Variants in PCDHGA2 observed in about 807,000 individuals in gnomAD.
PCDHGA2 encodes the protein protocadherin gamma-A2.
A neutral mutation model predicts 59.2 loss-of-function variants in PCDHGA2; 40 were observed. The ratio of observed to expected loss-of-function variants is 0.68; its 90% CI spans 0.52 to 0.88. PCDHGA2 has a LOEUF of 0.88. Ranked by LOEUF, PCDHGA2 falls within the 40% of genes least tolerant of loss-of-function variation. PCDHGA2 has a pLI of 0.00. For missense variants in PCDHGA2, 1,226 were observed against 1,204.0 expected, an observed-to-expected ratio of 1.02 and a Z score of -0.27; for synonymous variants, 560 against 526.0, an observed-to-expected ratio of 1.06 and a Z score of -0.89.
intron 1 of PCDHGA2, chr5:141,419,030 C>G (rs1178461733): frequency 5.0e-6 from 8 of 1,613,768 alleles, no homozygotes; most frequent in Non-Finnish European, 6.8e-6. Context: ...TAGAGGTGTT[C>G]CATTTAAGAT....
intron 1 of PCDHGA2, chr5:141,404,061 A>G (rs375910829): frequency 9.9e-6 from 16 of 1,613,906 alleles, no homozygotes; most frequent in African/African-American, 4.0e-5. Flanking sequence ...CTTCTTTTCA[A>G]TGCTCATGAC....
chr5:141,443,443 G>A (rs2098388456), intron 1 of PCDHGA2, among the ~76,000 whole-genome samples: 1 of 152,124 alleles, frequency 6.6e-6, no homozygotes, highest in African/African-American at 2.4e-5. Flanking sequence ...CTGTGGTTGC[G>A]CTCCTGTACT....
intron 1 of PCDHGA2, chr5:141,356,928 G>C (rs1760394420): frequency 1.2e-6 from 2 of 1,614,088 alleles, no homozygotes; most frequent in East Asian, 4.5e-5. Flanking sequence ...CTGGTGTGGA[G>C]CTGGCACCCC....
intron 1 of PCDHGA2, chr5:141,423,661 G>A: frequency 1.3e-6 from 2 of 1,555,760 alleles, no homozygotes; most frequent in Non-Finnish European, 1.7e-6. Flanking sequence ...AAGTAATCAG[G>A]TGAGATTTAT....
chr5:141,423,755 G>GGGA, intron 1 of PCDHGA2: 3 of 512,508 alleles, frequency 5.9e-6, no homozygotes, highest in Non-Finnish European at 7.8e-6. Flanking sequence ...CTGTTTGGGG[G>GGGA]GGGGGTGGGG....
At chr5:141,390,385 C>A in intron 1 of PCDHGA2, 1 of 1,430,582 alleles carries the variant, frequency 7.0e-7, no homozygotes, top group Non-Finnish European at 9.5e-7. Context: ...TTTTAGATGT[C>A]ATGGATCATT....
In PCDHGA2 at chr5:141,487,160, G is replaced by A. The variant is rs1188929436; in HGVS notation, c.2425-7647G>A. 5.0e-6 allele frequency: 8 copies of A among 1,613,830 alleles called. No homozygotes were observed. The highest frequency in any genetic ancestry group is 5.1e-6 in the Non-Finnish European group (6 of 1,179,840). ...ACTCTCTACCTCTGTTACTCTCTTA[G>A]TGTCCTTAGAGGAAGACACTCATCC... On this transcript the variant is annotated intron_variant, in intron 1 of 3. Transcript: ENST00000394576. The surrounding 1 kb of genome is among the most constrained non-coding windows in gnomAD (Gnocchi z 5.0).
chr5:141,444,364 T>C (rs1191889941), intron 1 of PCDHGA2, among the ~76,000 whole-genome samples: 2 of 151,718 alleles, frequency 1.3e-5, no homozygotes, highest in Admixed American at 1.3e-4. Context: ...AGAGACGGGG[T>C]TTCTCCATGT....
intron 1 of PCDHGA2, chr5:141,421,662 G>C: frequency 5.6e-6 from 9 of 1,613,844 alleles, no homozygotes; most frequent in Non-Finnish European, 7.6e-6. Context: ...AAGTCAGTGA[G>C]CACGCAATTC....
At chr5:141,436,829 G>C (rs1194891483) in intron 1 of PCDHGA2, among the ~76,000 whole-genome samples, 3 of 152,214 alleles carry the variant, frequency 2.0e-5, no homozygotes, top group African/African-American at 7.2e-5. Flanking sequence ...AAAATCTTAA[G>C]TGCCTAGGCA....
At chr5:141,380,806 A>G (rs1175015074) in intron 1 of PCDHGA2, among the ~76,000 whole-genome samples, 1 of 152,258 alleles carries the variant, frequency 6.6e-6, no homozygotes, top group Non-Finnish European at 1.5e-5. Context: ...AACAAATGTG[A>G]GATGAAACTA....
rs564486909 is a variant in PCDHGA2, at chr5:141,428,072, G to A, written c.2425-66735G>A. The A allele has an allele frequency of 1.6e-5, 25 of 1,609,080 alleles. No individual in the cohort carries two copies. The South Asian group carries it at 1.9e-4, about 12-fold the overall frequency. On this transcript the variant is annotated intron_variant, in intron 1 of 3. Coordinates refer to ENST00000394576, the MANE Select transcript of PCDHGA2 (RefSeq NM_018915.4). The stretch of plus-strand genomic sequence containing the variant: ...AGGTGGTGGCGGTGGACGCAGATTC[G>A]GGACACAACGCTTGGCTGTCCTACC...
intron 1 of PCDHGA2, chr5:141,392,138 G>C (rs1212519982): frequency 6.6e-6 from 1 of 152,142 alleles, no homozygotes; most frequent in Non-Finnish European, 1.5e-5. Context: ...TGATTAAGTA[G>C]TTTAAACCAA....
At chr5:141,364,846 C>G (rs558676002) in intron 1 of PCDHGA2, 1 of 1,613,994 alleles carries the variant, frequency 6.2e-7, no homozygotes, top group South Asian at 1.1e-5. Context: ...GTTACCAGCT[C>G]AGCTCCAATC....
intron 1 of PCDHGA2, among the ~76,000 whole-genome samples, chr5:141,449,264 C>T (rs2098633342): frequency 6.6e-6 from 1 of 152,056 alleles, no homozygotes; most frequent in African/African-American, 2.4e-5. Flanking sequence ...GTACAAAGAA[C>T]TGTATCTCCT....
rs1023816949 is a variant in PCDHGA2, at chr5:141,362,715, T to C, written c.2424+21320T>C. On this transcript the variant is annotated intron_variant, in intron 1 of 3. Transcript: ENST00000394576. ...CTAACTGAATTTTAAGTGTTTTCTC[T>C]CTGAAGTGTGAGATTTATTTACCCA... The C allele has an allele frequency of 8.8e-5, 80 of 911,620 alleles. No individual in the cohort carries two copies. In the East Asian group the frequency reaches 2.0e-3, roughly 23 times the overall value. The allele number at this position is 911,620 out of a possible 1,614,324, so 56.5% of individuals were successfully genotyped here.
chr5:141,447,864 T>A (rs2098553913), intron 1 of PCDHGA2, among the ~76,000 whole-genome samples: 1 of 152,098 alleles, frequency 6.6e-6, no homozygotes, highest in Non-Finnish European at 1.5e-5. Context: ...GGTGGGTGAA[T>A]CATCTGAGGT....
At chr5:141,372,540 C>T (rs1208837944) in intron 1 of PCDHGA2, 2 of 1,614,012 alleles carry the variant, frequency 1.2e-6, no homozygotes, top group Non-Finnish European at 1.7e-6. Flanking sequence ...CCTGCGCCTG[C>T]GATGCTCCTC....
chr5:141,392,745 G>A, intron 1 of PCDHGA2: 1 of 1,441,296 alleles, frequency 6.9e-7, no homozygotes, highest in African/African-American at 1.4e-5. Flanking sequence ...CCATAGCTGC[G>A]GCAAGAAACT....
Sources: allele counts gnomAD v4.1 joint callset (sites outside exome capture counted in the v4.1 genomes callset), GRCh38; gene constraint gnomAD v4.1.1; non-coding constraint Gnocchi (gnomAD v3.1); transcripts MANE v1.5; gene names NCBI Gene and HGNC (gene_info 2026-07-23, HGNC 2026-07-21).